Variants in FRMD4A observed in about 807,000 individuals in gnomAD.
The protein encoded by FRMD4A is FERM domain containing 4A.
Under a neutral mutation model 129.1 loss-of-function variants are expected in FRMD4A, and 29 were observed. The observed-to-expected ratio is 0.22, with a 90% CI of 0.17 to 0.31. FRMD4A has a LOEUF of 0.31. Among genes scored for constraint, FRMD4A ranks in the 10% least tolerant of loss-of-function variants. The pLI, the probability that FRMD4A is intolerant of heterozygous loss-of-function variation, is 1.00. For synonymous variants in FRMD4A, 634 were observed against 571.6 expected (o/e 1.11, Z -1.56); for missense variants, 1,272 against 1,375.8 (o/e 0.92, Z 1.19).
intron 2 of FRMD4A, among the ~76,000 whole-genome samples, chr10:14,235,588 G>C (rs1442244497): frequency 6.6e-6 from 1 of 152,204 alleles, no homozygotes; most frequent in Non-Finnish European, 1.5e-5. Context: ...TGGGGTGTTT[G>C]TTACTGAACA....
At chr10:13,822,355 C>T (rs1177442829) in intron 3 of FRMD4A, among the ~76,000 whole-genome samples, 1 of 152,200 alleles carries the variant, frequency 6.6e-6, no homozygotes, top group Non-Finnish European at 1.5e-5. Context: ...TAGCAAATAA[C>T]AGCCTCTCCT....
chr10:13,701,634 CAT>C (rs1374497114), intron 13 of FRMD4A, among the ~76,000 whole-genome samples, 156 bp from the exon 14 acceptor site: 1 of 152,238 alleles, frequency 6.6e-6, no homozygotes, highest in Non-Finnish European at 1.5e-5. Flanking sequence ...CACACACACA[CAT>C]GCGCACACAG....
At chr10:14,209,746 C>T (rs369360432) in intron 2 of FRMD4A, among the ~76,000 whole-genome samples, 81 of 147,532 alleles carry the variant, frequency 5.5e-4, no homozygotes, top group African/African-American at 1.8e-3. Flanking sequence ...AATAGCTGGA[C>T]ATGGTGGTGC....
intron 2 of FRMD4A, among the ~76,000 whole-genome samples, chr10:13,879,715 C>T (rs2094525709): frequency 6.7e-6 from 1 of 148,342 alleles, no homozygotes; most frequent in Non-Finnish European, 1.5e-5. Context: ...TCCTCTTCCT[C>T]CCTTCTCCCT....
At chr10:13,844,436 T>C (rs192638499) in intron 3 of FRMD4A, among the ~76,000 whole-genome samples, 1 of 152,302 alleles carries the variant, frequency 6.6e-6, no homozygotes, top group African/African-American at 2.4e-5. Flanking sequence ...GGTCTACTGA[T>C]ATTTTTTGTT....
At chr10:13,771,928 C>CAAAA (rs573665753) in intron 6 of FRMD4A, among the ~76,000 whole-genome samples, 2,116 of 151,452 alleles carry the variant, frequency 0.014, 95 homozygotes, top group South Asian at 0.12. Context: ...TGAAACAAAA[C>CAAAA]CAAACAAAAC....
chr10:13,827,950 G>T (rs1286943661), intron 3 of FRMD4A, among the ~76,000 whole-genome samples: 1 of 152,162 alleles, frequency 6.6e-6, no homozygotes, highest in Non-Finnish European at 1.5e-5. Context: ...TGTCTCTACT[G>T]CCCAAATACC....
intron 2 of FRMD4A, among the ~76,000 whole-genome samples, chr10:13,974,374 G>C (rs2095533416): frequency 6.6e-6 from 1 of 152,220 alleles, no homozygotes; most frequent in African/African-American, 2.4e-5. Context: ...GCTTGCTCTG[G>C]AGTCTGGAAT....
intron 2 of FRMD4A, among the ~76,000 whole-genome samples, chr10:14,096,357 A>C (rs1836961741): frequency 1.3e-5 from 2 of 152,166 alleles, no homozygotes; most frequent in African/African-American, 2.4e-5. Flanking sequence ...TGTTGCTTAT[A>C]AACTACCCAA....
Position 14,155,424 on chromosome 10 carries a change from G to A in FRMD4A, c.45+174634C>T, listed in dbSNP as rs1405704758. On this transcript the variant is annotated intron_variant, in intron 2 of 24. Transcript: ENST00000357447. ...CAGCACTGGGGGCAATAAATAATGA[G>A]TAATCCCCAGGGAAGCCGGGCCTCA... Among the ~76,000 whole-genome samples the A allele has an allele frequency of 2.0e-5, 3 of 152,268 alleles. No individual in the cohort carries two copies. In the East Asian group the frequency reaches 5.8e-4, roughly 29 times the overall value.
chr10:13,800,647 A>G (rs1011583705), intron 4 of FRMD4A, among the ~76,000 whole-genome samples: 4 of 152,190 alleles, frequency 2.6e-5, no homozygotes, highest in African/African-American at 9.7e-5. Flanking sequence ...ACACTGCAAG[A>G]GATTAGACTT....
chr10:14,025,299 C>A (rs971394765), intron 2 of FRMD4A, among the ~76,000 whole-genome samples: 7 of 147,670 alleles, frequency 4.7e-5, no homozygotes, highest in African/African-American at 1.7e-4. Flanking sequence ...CCAAAGTTTG[C>A]TTTTTTTTTT....
intron 2 of FRMD4A, among the ~76,000 whole-genome samples, chr10:14,093,066 TAGGG>T (rs1836748022): frequency 6.6e-6 from 1 of 151,778 alleles, no homozygotes; most frequent in African/African-American, 2.4e-5. Context: ...AAGGCCAGGG[TAGGG>T]GGCACGGACG....
At chr10:14,149,804 C>T (rs1430603111) in intron 2 of FRMD4A, among the ~76,000 whole-genome samples, 2 of 152,184 alleles carry the variant, frequency 1.3e-5, no homozygotes, top group African/African-American at 4.8e-5. Flanking sequence ...GCTTCATGTC[C>T]CGAGGTGGCA....
At chr10:13,854,511 C>T (rs185187138) in intron 3 of FRMD4A, among the ~76,000 whole-genome samples, 22 of 152,040 alleles carry the variant, frequency 1.4e-4, no homozygotes, top group African/African-American at 5.3e-4. Context: ...ACCTCCGCCT[C>T]CCAGGTTCAA....
chr10:14,130,391 G>C (rs1034866945), intron 2 of FRMD4A, among the ~76,000 whole-genome samples: 4 of 152,060 alleles, frequency 2.6e-5, no homozygotes, highest in Admixed American at 6.6e-5. Flanking sequence ...CTCCCAAGTA[G>C]CTGGGACTGC....
At chr10:14,104,747 T>C (rs992547369) in intron 2 of FRMD4A, among the ~76,000 whole-genome samples, 1 of 152,256 alleles carries the variant, frequency 6.6e-6, no homozygotes, top group Non-Finnish European at 1.5e-5. Flanking sequence ...TGTGGGCCCA[T>C]GAAGCTGGCG....
At chr10:14,068,310 A>T (rs1312055746) in intron 2 of FRMD4A, among the ~76,000 whole-genome samples, 1 of 152,214 alleles carries the variant, frequency 6.6e-6, no homozygotes, top group East Asian at 1.9e-4. Flanking sequence ...ACATATCTGA[A>T]CAGAGTGTTT....
rs376221104 is a variant in FRMD4A at position 13,970,232 on chromosome 10, C to T, written c.46-111320G>A. On this transcript the variant is annotated intron_variant, in intron 2 of 24. Coordinates refer to ENST00000357447, the MANE Select transcript of FRMD4A (RefSeq NM_018027.5). ...ATATTTAGAGTGAAGCTTTTAGGTA[C>T]GTGCCCTTCAAGCACGAGAATTCTA... Among the ~76,000 whole-genome samples the T allele has an allele frequency of 1.8e-3, 270 of 152,278 alleles. 2 individuals carry two copies. The highest frequency in any genetic ancestry group is 6.8e-3 in the Middle Eastern group (2 of 294).
Sources: allele counts gnomAD v4.1 joint callset (sites outside exome capture counted in the v4.1 genomes callset), GRCh38; gene constraint gnomAD v4.1.1; transcripts MANE v1.5; gene names NCBI Gene and HGNC (gene_info 2026-07-23, HGNC 2026-07-21).